The following FGD5 variants were observed in gnomAD, a reference collection of about 807,000 sequenced individuals.
FGD5 encodes FYVE, RhoGEF and PH domain containing 5, also known as FYVE, RhoGEF and PH domain-containing protein 5.
Under a neutral mutation model 133.4 loss-of-function variants are expected in FGD5, and 28 were observed. The ratio of observed to expected loss-of-function variants is 0.21; its 90% CI spans 0.16 to 0.29. The LOEUF (loss-of-function observed/expected upper bound fraction) is 0.29. Among genes scored for constraint, FGD5 ranks in the 10% least tolerant of loss-of-function variants. FGD5 has a pLI of 1.00. For missense variants in FGD5, 1,858 were observed against 1,895.2 expected, an observed-to-expected ratio of 0.98 and a Z score of 0.36; for synonymous variants, 810 against 776.5, an observed-to-expected ratio of 1.04 and a Z score of -0.72.
At position 14,821,154 on chromosome 3, in the gene FGD5, G is replaced by A. The variant is rs2036491612; in HGVS notation, c.2083G>A (p.Val695Ile). ...CCACGGGCCTTCCAGGATTCTGGAA[G>A]TTGACCGGAGAAGCCTCAGCAACTC... is the stretch of plus-strand genomic sequence containing the variant. Reference protein sequence around the residue: ...SYHGPSRILEVDRRSLSNSPQ... With the variant: ...SYHGPSRILEIDRRSLSNSPQ... Residue 695 changes from valine to isoleucine, a missense_variant, in exon 1 of 20, where the codon GTT (valine) becomes ATT (isoleucine). Transcript: ENST00000285046. The A allele has an allele frequency of 1.2e-6, 2 of 1,613,858 alleles. No individual in the cohort carries two copies. The highest frequency in any genetic ancestry group is 1.3e-5 in the African/African-American group (1 of 74,910).
rs1171744360 is a variant in FGD5, at chr3:14,918,764, C to G, written c.3500C>G (p.Pro1167Arg). 5.0e-6 allele frequency: 8 copies of G among 1,613,974 alleles called. No homozygotes were observed. Among genetic ancestry groups the G allele is most frequent in the Non-Finnish European group, 6.8e-6 (8 of 1,179,884 alleles). ...LAVANMKVSRPVMEKVPYALK... is the reference protein window; with the variant it reads ...LAVANMKVSRRVMEKVPYALK... Reference sequence around the variant, plus strand: ...CTGTTGGTTTTCCAGGTCAGCCGCCCTGTGATGGAGAAAGTGCCCTACGCT... The same window carrying G: ...CTGTTGGTTTTCCAGGTCAGCCGCCGTGTGATGGAGAAAGTGCCCTACGCT... The change falls in exon 13 of 20, where the codon CCT (proline) becomes CGT (arginine). Residue 1167 changes from proline (P) to arginine (R), a missense_variant. Transcript: ENST00000285046.
At chr3:14,824,869 C>G (rs762943740) in intron 1 of FGD5, among the ~76,000 whole-genome samples, 9 of 152,146 alleles carry the variant, frequency 5.9e-5, no homozygotes, top group Non-Finnish European at 1.0e-4. Context: ...TAAAGACTAG[C>G]TTGAGGTGAT....
At chr3:14,877,570 G>A (rs774150452) in intron 2 of FGD5, among the ~76,000 whole-genome samples, 4 of 152,188 alleles carry the variant, frequency 2.6e-5, no homozygotes, top group Non-Finnish European at 5.9e-5. Flanking sequence ...AGAGGGGCTC[G>A]CCCACGGTCA....
In FGD5 at chr3:14,854,119, G is replaced by A. The variant is rs184192158; in HGVS notation, c.2526-10009G>A. Among the ~76,000 whole-genome samples, 3 of 151,944 alleles carry A rather than the reference G, an allele frequency of 2.0e-5. No homozygotes were observed. The East Asian group carries it at 5.8e-4, about 30-fold the overall frequency. ...CCTCCATAGTTATCACCACCTTATA[G>A]GTAAGAAACAGAGAGGTTGAGTGGC... On this transcript the variant is annotated intron_variant, in intron 1 of 19. Coordinates refer to ENST00000285046, the MANE Select transcript of FGD5 (RefSeq NM_152536.4).
At chr3:14,848,733 G>T (rs1297155607) in intron 1 of FGD5, among the ~76,000 whole-genome samples, 1 of 152,162 alleles carries the variant, frequency 6.6e-6, no homozygotes, top group Non-Finnish European at 1.5e-5. Flanking sequence ...GCAAGTGTAG[G>T]ACCTAAAGCT....
At chr3:14,835,662 C>A (rs978389350) in intron 1 of FGD5, among the ~76,000 whole-genome samples, 3 of 152,152 alleles carry the variant, frequency 2.0e-5, no homozygotes, top group Non-Finnish European at 4.4e-5. Context: ...AGGGAAGACA[C>A]CAGTTACAGC....
At position 14,819,652 on chromosome 3, in the gene FGD5, T is replaced by C; in HGVS notation, c.581T>C (p.Leu194Pro). The part of the protein sequence containing the change: ...WAGEGVFQSD[L>P]LLPHIHGEDQ... ...GGAGAGGGGGTCTTCCAGAGCGACC[T>C]CCTCCTGCCTCACATCCATGGAGAG... Residue 194 changes from leucine (L) to proline (P), a missense_variant, in exon 1 of 20, where the codon CTC (leucine) becomes CCC (proline). Around this residue, in one of 3 missense-constraint regions of FGD5, gnomAD observed 1,824 missense variants for 1,848.9 expected, o/e 0.99. Coordinates refer to ENST00000285046, the MANE Select transcript of FGD5 (RefSeq NM_152536.4). The surrounding 1 kb of genome is among the most constrained non-coding windows in gnomAD (Gnocchi z 4.1). The C allele has an allele frequency of 6.5e-7, 1 of 1,548,686 alleles. No homozygotes were observed. The highest frequency in any genetic ancestry group is 8.7e-7 in the Non-Finnish European group (1 of 1,145,556).
At chr3:14,911,830 G>C (rs1287343212) in intron 11 of FGD5, among the ~76,000 whole-genome samples, 1 of 150,136 alleles carries the variant, frequency 6.7e-6, no homozygotes, top group Non-Finnish European at 1.5e-5. Context: ...CAGGGGTGAA[G>C]AGAAGAGGAG....
intron 2 of FGD5, among the ~76,000 whole-genome samples, chr3:14,874,086 A>G (rs931856542): frequency 6.8e-5 from 10 of 147,766 alleles, no homozygotes; most frequent in African/African-American, 1.2e-4. Context: ...TGTGTATACA[A>G]TGGAATATTA....
At chr3:14,883,994 T>A (rs2125120614) in intron 4 of FGD5, among the ~76,000 whole-genome samples, 1 of 152,262 alleles carries the variant, frequency 6.6e-6, no homozygotes, top group East Asian at 1.9e-4. Context: ...GAATGACACA[T>A]CATTGCACAT....
At chr3:14,834,763 G>A (rs943617470) in intron 1 of FGD5, among the ~76,000 whole-genome samples, 3 of 152,140 alleles carry the variant, frequency 2.0e-5, no homozygotes, top group East Asian at 1.9e-4. Context: ...AGCCACAGGC[G>A]GGGCATGTAA....
chr3:14,914,486 G>T (rs1238691723), intron 11 of FGD5, among the ~76,000 whole-genome samples: 1 of 152,210 alleles, frequency 6.6e-6, no homozygotes, highest in African/African-American at 2.4e-5. Flanking sequence ...ACGTAGCCTG[G>T]TCCCGAAAGG....
intron 1 of FGD5, among the ~76,000 whole-genome samples, chr3:14,829,281 G>A (rs964194465): frequency 2.0e-5 from 3 of 152,186 alleles, no homozygotes; most frequent in Admixed American, 6.5e-5. Context: ...AAGTGTGTAC[G>A]CCATCCCCTG....
upstream of FGD5, among the ~76,000 whole-genome samples, chr3:14,814,278 C>T (rs2036337570): frequency 6.6e-6 from 1 of 152,194 alleles, no homozygotes; most frequent in East Asian, 1.9e-4. Context: ...TAGTTTCGCC[C>T]TACCATACCC....
In FGD5 at chr3:14,812,896, A is replaced by G. The variant is rs368528046; in HGVS notation, c.13+2031A>G. 1.1e-3 allele frequency among the ~76,000 whole-genome samples: 168 copies of G among 152,292 alleles called. 1 individual carries two copies. Among genetic ancestry groups the G allele is most frequent in the African/African-American group, 3.9e-3 (162 of 41,564 alleles). ...TATTGGGTACTTAATATGACTTGGT[A>G]TTGCTTTTAGGTGTTTTACTTCTAT... On this transcript the variant is annotated intron_variant, in intron 1 of 1. Transcript: ENST00000640506.
At chr3:14,877,210 C>T (rs967104343) in intron 2 of FGD5, among the ~76,000 whole-genome samples, 14 of 152,364 alleles carry the variant, frequency 9.2e-5, no homozygotes, top group Non-Finnish European at 1.3e-4. Flanking sequence ...AGTTGGGCAA[C>T]GCCCAGAAGC....
intron 7 of FGD5, among the ~76,000 whole-genome samples, 162 bp downstream of exon 7, chr3:14,898,988 C>T (rs780168216): frequency 5.3e-5 from 8 of 152,022 alleles, no homozygotes; most frequent in Non-Finnish European, 1.2e-4. Flanking sequence ...GAGCTTTGAG[C>T]CCTCTGAACC....
At chr3:14,813,687 G>T (rs918103965) in intron 1 of FGD5, among the ~76,000 whole-genome samples, 2 of 152,054 alleles carry the variant, frequency 1.3e-5, no homozygotes, top group South Asian at 4.1e-4. Flanking sequence ...TGGGGAAGCC[G>T]AGGCCCGAAA....
At chr3:14,861,580 C>G (rs752519229) in intron 1 of FGD5, among the ~76,000 whole-genome samples, 1 of 152,210 alleles carries the variant, frequency 6.6e-6, no homozygotes, top group Non-Finnish European at 1.5e-5. Context: ...TCAGATTTGC[C>G]GCGTGACCTC....
Sources: allele counts gnomAD v4.1 joint callset (sites outside exome capture counted in the v4.1 genomes callset), GRCh38; gene constraint gnomAD v4.1.1; regional missense constraint gnomAD v4.1.1; non-coding constraint Gnocchi (gnomAD v3.1); transcripts MANE v1.5; gene names NCBI Gene and HGNC (gene_info 2026-07-23, HGNC 2026-07-21).